KNDC1: variants seen among roughly 807,000 people sequenced by gnomAD.
KNDC1 encodes the protein kinase non-catalytic C-lobe domain-containing protein 1.
In KNDC1, 106 loss-of-function variants were observed where a neutral mutation model predicts 172.8. The observed-to-expected ratio is 0.61, with a 90% confidence interval of 0.52 to 0.72. KNDC1 has a LOEUF of 0.72. KNDC1 is among the 30% of genes least tolerant of loss of function. The probability of loss-of-function intolerance (pLI) is 0.00; values close to 1 mark genes in which losing one functional copy is unlikely to be tolerated. For missense variants in KNDC1, 2,325 were observed against 2,394.5 expected, an observed-to-expected ratio of 0.97 and a Z score of 0.61; for synonymous variants, 1,083 against 1,062.2, an observed-to-expected ratio of 1.02 and a Z score of -0.38.
chr10:133,206,372 G>C (rs1262577743), intron 17 of KNDC1, among the ~76,000 whole-genome samples: 1 of 152,276 alleles, frequency 6.6e-6, no homozygotes. Context: ...GGAGGGCCTG[G>C]TGCTGACTTG....
Position 133,198,346 on chromosome 10 carries a change from C to A in KNDC1, c.1916C>A (p.Pro639Gln). The A allele has an allele frequency of 6.3e-7, 1 of 1,580,232 alleles. No homozygotes were observed. Among genetic ancestry groups the A allele is most frequent in the Non-Finnish European group, 8.6e-7 (1 of 1,164,272 alleles). ...PAPEPSPGFL[P>Q]VNSDTGLVAV... is the part of the protein sequence containing the mutation. Reference sequence around the variant, plus strand: ...CCCCCTGGCTCCCCAGGCTTCCTGCCGGTGAACAGCGACACCGGGCTTGTG... The same window carrying A: ...CCCCCTGGCTCCCCAGGCTTCCTGCAGGTGAACAGCGACACCGGGCTTGTG... Residue 639 changes from proline to glutamine, a missense_variant, in exon 13 of 30, where the codon CCG becomes CAG. Coordinates refer to ENST00000304613, the MANE Select transcript of KNDC1 (RefSeq NM_152643.8).
At chr10:133,162,462 C>T (rs1170522403) in intron 1 of KNDC1, among the ~76,000 whole-genome samples, 1 of 152,216 alleles carries the variant, frequency 6.6e-6, no homozygotes, top group African/African-American at 2.4e-5. Context: ...GATGTAGGAA[C>T]TCACTCATTC....
Position 133,224,926 on chromosome 10 carries a change from A to T in KNDC1, c.*36A>T. 4 of 1,537,674 alleles carry T rather than the reference A, an allele frequency of 2.6e-6. No individual in the cohort carries two copies. Among genetic ancestry groups the T allele is most frequent in the Non-Finnish European group, 3.6e-6 (4 of 1,115,442 alleles). ...GCCTGGTGTGGAATTCCAGATCCGA[A>T]TCCGACTGTGGGGGGCGGGCTGGGA... is the stretch of plus-strand genomic sequence containing the variant. On this transcript the variant is annotated 3_prime_UTR_variant, in exon 30 of 30. Transcript: ENST00000304613. This position sits in a 1 kb window ranked among gnomAD's most constrained non-coding sequence, Gnocchi z 5.4.
intron 16 of KNDC1, 134 bp downstream of exon 16, chr10:133,200,594 G>T (rs1854335664): frequency 1.4e-6 from 1 of 702,730 alleles, no homozygotes. Flanking sequence ...TTGCCCCGGG[G>T]GTGCCCAGCC....
chr10:133,167,165 G>A (rs1044338389), intron 1 of KNDC1: 5 of 586,126 alleles, frequency 8.5e-6, no homozygotes, highest in South Asian at 2.0e-5. Context: ...TGGGCAGCAC[G>A]CCGACGGTGC....
intron 26 of KNDC1, among the ~76,000 whole-genome samples, chr10:133,215,592 A>G (rs112313507): frequency 0.024 from 3,681 of 152,358 alleles, 46 homozygotes; most frequent in Middle Eastern, 0.034. Flanking sequence ...GCCTTCACGC[A>G]CGGCCCGTGT....
Position 133,178,762 on chromosome 10 carries a change from C to T in KNDC1, c.361-4582C>T, listed in dbSNP as rs572508364. On this transcript the variant is annotated intron_variant, in intron 3 of 29. Coordinates refer to ENST00000304613, the MANE Select transcript of KNDC1 (RefSeq NM_152643.8). ...TTTGTCCCTAAGGCCAGGCCCAGGA[C>T]AGTCAGGGGTGCCGTAGGACTCAGG... The T allele has an allele frequency of 2.0e-5, 3 of 152,376 alleles. No homozygotes were observed. The South Asian group carries it at 6.2e-4, about 32-fold the overall frequency. The allele number at this position is 152,376 out of a possible 1,614,324, so 9.4% of individuals were successfully genotyped here.
At chr10:133,216,817 G>A (rs1229400908) in intron 26 of KNDC1, among the ~76,000 whole-genome samples, 3 of 152,242 alleles carry the variant, frequency 2.0e-5, no homozygotes, top group Admixed American at 6.5e-5. Context: ...AAGAAAATGC[G>A]GCCTCTTTGT....
At chr10:133,193,788 T>A (rs996940248) in intron 9 of KNDC1, among the ~76,000 whole-genome samples, 1 of 152,180 alleles carries the variant, frequency 6.6e-6, no homozygotes, top group African/African-American at 2.4e-5. Flanking sequence ...TAATATCAGG[T>A]TAAGTGTACT....
intron 21 of KNDC1, 30 bp downstream of exon 21, chr10:133,210,754 A>G (rs1845347891): frequency 9.7e-6 from 15 of 1,552,196 alleles, no homozygotes; most frequent in African/African-American, 2.7e-5. Flanking sequence ...CACGCCCGCC[A>G]GAGCTTCCCC....
At position 133,168,281 on chromosome 10, in the gene KNDC1, C is replaced by A; in HGVS notation, c.329C>A (p.Pro110His). The A allele has an allele frequency of 6.2e-7, 1 of 1,614,172 alleles. No individual in the cohort carries two copies. The highest frequency in any genetic ancestry group is 8.5e-7 in the Non-Finnish European group (1 of 1,180,022). ...GACCCTGAGGGTGCCTTCGTTCCCC[C>A]CGAGTTCGACGTGACCGGGAACACC... ...SDDPEGAFVPPEFDVTGNTFE... is the reference protein window; with the variant it reads ...SDDPEGAFVPHEFDVTGNTFE... Residue 110 changes from proline (P) to histidine (H), a missense_variant, in exon 3 of 30, where the codon CCC becomes CAC. By Grantham distance (77) the Pro-to-His change is moderately conservative. Transcript: ENST00000304613.
intron 29 of KNDC1, among the ~76,000 whole-genome samples, chr10:133,222,345 T>C (rs1845614562): frequency 6.6e-6 from 1 of 151,942 alleles, no homozygotes; most frequent in Non-Finnish European, 1.5e-5. Context: ...AGAGTGGCAC[T>C]TGCTCTCCAC....
Position 133,188,595 on chromosome 10 carries a change from G to T in KNDC1, c.1383G>T (p.Glu461Asp), listed in dbSNP as rs867554891. Reference protein sequence around the residue: ...SQLGRPFREYELWALCLACLR... With the variant: ...SQLGRPFREYDLWALCLACLR... ...TGGGCCGGCCCTTCCGGGAGTACGA[G>T]CTGTGGGCCCTGTGCCTGGCCTGCC... The change falls in exon 7 of 30, where the codon GAG becomes GAT. Residue 461 changes from glutamate (E) to aspartate (D), a missense_variant. By Grantham distance (45) the Glu-to-Asp change is conservative. Coordinates refer to ENST00000304613, the MANE Select transcript of KNDC1 (RefSeq NM_152643.8). 1 of 1,596,918 alleles carries T rather than the reference G, an allele frequency of 6.3e-7. No homozygotes were observed. The highest frequency in any genetic ancestry group is 8.5e-7 in the Non-Finnish European group (1 of 1,173,290).
Position 133,198,363 on chromosome 10 carries a change from G to T in KNDC1, c.1933G>T (p.Gly645Trp). 1 of 1,593,324 alleles carries T rather than the reference G, an allele frequency of 6.3e-7. No homozygotes were observed. Among genetic ancestry groups the T allele is most frequent in the East Asian group, 2.3e-5 (1 of 43,918 alleles). ...CTTCCTGCCGGTGAACAGCGACACCGGGCTTGTGGCTGTGCCAGGGCCCGT... is the reference window on the plus strand; with the variant it reads ...CTTCCTGCCGGTGAACAGCGACACCTGGCTTGTGGCTGTGCCAGGGCCCGT... Reference protein sequence around the residue: ...PGFLPVNSDTGLVAVPGPVPG... With the variant: ...PGFLPVNSDTWLVAVPGPVPG... The change falls in exon 13 of 30, where the codon GGG becomes TGG. Residue 645 changes from glycine (G) to tryptophan (W), a missense_variant. Physicochemically the swap from Gly to Trp is radical, Grantham distance 184 (BLOSUM62 -2). Transcript: ENST00000304613.
intron 20 of KNDC1, among the ~76,000 whole-genome samples, chr10:133,208,800 G>A (rs1383826744): frequency 6.6e-6 from 1 of 152,194 alleles, no homozygotes; most frequent in Non-Finnish European, 1.5e-5. Flanking sequence ...TGGTGTGTGT[G>A]CATGTGTGGT....
At chr10:133,205,234 C>T (rs1403048810) in intron 17 of KNDC1, among the ~76,000 whole-genome samples, 1 of 152,216 alleles carries the variant, frequency 6.6e-6, no homozygotes, top group African/African-American at 2.4e-5. Context: ...CCCGGCCAGG[C>T]GTGGGAGGCA....
In KNDC1 at chr10:133,201,883, C is replaced by G; in HGVS notation, c.3372C>G (p.Pro1124=). The change falls in exon 17 of 30, where the codon CCC becomes CCG. Residue 1124 remains proline (P), a synonymous_variant. Coordinates refer to ENST00000304613, the MANE Select transcript of KNDC1 (RefSeq NM_152643.8). ...GGCAGCAGGCGGACGGGGCCCTGCC[C>G]GACGCCCAGAGCCCGGTGAGTCCCA... ...LGRQQADGAL[P]DAQSPELEQQ... 2 of 1,469,732 alleles carry G rather than the reference C, an allele frequency of 1.4e-6. No individual in the cohort carries two copies. The highest frequency in any genetic ancestry group is 1.8e-6 in the Non-Finnish European group (2 of 1,112,106). The allele number at this position is 1,469,732 out of a possible 1,614,324, so 91.0% of individuals were successfully genotyped here. A position where few individuals can be genotyped will look rare whatever the true frequency, so the allele number is the denominator to read the frequency against.
rs986473126 is a variant in KNDC1 at position 133,163,424 on chromosome 10, G to A, written c.102+2855G>A. The stretch of plus-strand genomic sequence containing the variant: ...GGGGGCTCCCAGTAAAGAAGAGGAC[G>A]TCCCCGCTGCAGGGTCCATATGACA... On this transcript the variant is annotated intron_variant, in intron 1 of 29. Coordinates refer to ENST00000304613, the MANE Select transcript of KNDC1 (RefSeq NM_152643.8). This position sits in a 1 kb window ranked among gnomAD's most constrained non-coding sequence, Gnocchi z 4.4. 1.3e-5 allele frequency among the ~76,000 whole-genome samples: 2 copies of A among 152,146 alleles called. No individual in the cohort carries two copies. Among genetic ancestry groups the A allele is most frequent in the Admixed American group, 1.3e-4 (2 of 15,278 alleles).
chr10:133,184,790 T>C (rs1423621283), intron 5 of KNDC1, among the ~76,000 whole-genome samples: 2 of 152,202 alleles, frequency 1.3e-5, no homozygotes, highest in East Asian at 1.9e-4. Flanking sequence ...CAGTGTGGCA[T>C]TGGTGCCGGT....
Sources: allele counts gnomAD v4.1 joint callset (sites outside exome capture counted in the v4.1 genomes callset), GRCh38; gene constraint gnomAD v4.1.1; non-coding constraint Gnocchi (gnomAD v3.1); transcripts MANE v1.5; gene names NCBI Gene and HGNC (gene_info 2026-07-23, HGNC 2026-07-21).